Variants in MOBP observed in about 807,000 individuals in gnomAD.
MOBP encodes the protein myelin-associated oligodendrocyte basic protein.
A neutral mutation model predicts 15.0 loss-of-function variants in MOBP; 5 were observed. That is an observed-to-expected ratio of 0.33 (90% CI 0.17 to 0.70). The LOEUF (loss-of-function observed/expected upper bound fraction) is 0.70. MOBP is among the 30% of genes least tolerant of loss of function. MOBP has a pLI of 0.67. For missense variants in MOBP, 188 were observed against 257.8 expected (o/e 0.73, Z 1.85); for synonymous variants, 88 against 99.0 (o/e 0.89, Z 0.66).
At chr3:39,510,808 CTAT>C (rs2043110271) in intron 4 of MOBP, among the ~76,000 whole-genome samples, 1 of 152,228 alleles carries the variant, frequency 6.6e-6, no homozygotes, top group African/African-American at 2.4e-5. Flanking sequence ...TTTCGAACTG[CTAT>C]TTTGTTCAAA....
chr3:39,479,120 G>A (rs1259209756), intron 1 of MOBP, among the ~76,000 whole-genome samples: 1 of 152,030 alleles, frequency 6.6e-6, no homozygotes, highest in African/African-American at 2.4e-5. Context: ...GAGCCACCGC[G>A]CACGGCCCTG....
downstream of MOBP, among the ~76,000 whole-genome samples, chr3:39,504,569 G>A (rs1336354238): frequency 1.3e-5 from 2 of 152,252 alleles, no homozygotes. Context: ...CTCAGCCATT[G>A]TCCCTTACCT....
chr3:39,513,082 T>C (rs951788111), intron 4 of MOBP, among the ~76,000 whole-genome samples: 7 of 152,230 alleles, frequency 4.6e-5, no homozygotes, highest in Non-Finnish European at 1.0e-4. Context: ...GTACTTTAAT[T>C]TCCTTTGTGT....
downstream of MOBP, among the ~76,000 whole-genome samples, chr3:39,506,781 G>A (rs1301165086): frequency 6.6e-6 from 1 of 152,222 alleles, no homozygotes; most frequent in African/African-American, 2.4e-5. Flanking sequence ...CACAAGAGTG[G>A]TAAGGGCAAG....
exon 5 of MOBP, chr3:39,515,823 T>A (rs1022934060): frequency 1.3e-5 from 2 of 152,226 alleles, no homozygotes; most frequent in Non-Finnish European, 2.9e-5. Flanking sequence ...AGTTTGGTTG[T>A]CTTCATAGCA....
At chr3:39,499,544 G>A (rs1473863) in intron 2 of MOBP, 50,357 of 152,782 alleles carry the variant, frequency 0.33, 10,961 homozygotes, top group African/African-American at 0.62. Context: ...TATCTCATCC[G>A]TGCCCGACGT....
intron 2 of MOBP, among the ~76,000 whole-genome samples, chr3:39,486,298 T>G (rs1183335317): frequency 6.6e-6 from 1 of 152,222 alleles, no homozygotes; most frequent in African/African-American, 2.4e-5. Context: ...TGAAATAAGT[T>G]AAATACGTGA....
intron 1 of MOBP, among the ~76,000 whole-genome samples, chr3:39,470,872 T>C (rs923449660): frequency 5.3e-5 from 8 of 152,174 alleles, no homozygotes; most frequent in African/African-American, 1.9e-4. Flanking sequence ...TAGTTCCTTA[T>C]GAAAGAATAA....
chr3:39,502,360 A>G lies in MOBP; in HGVS notation c.206+85A>G, dbSNP rs888373529. ...GCACGCCCCTCCCGCTCCGCACCCC[A>G]CTCTTCCCCCTAGTCGGCTCCGGGT... On this transcript the variant is annotated intron_variant, in intron 3 of 3. Transcript: ENST00000684792. This position sits in a 1 kb window ranked among gnomAD's most constrained non-coding sequence, Gnocchi z 6.3. 6.3e-7 allele frequency: 1 copy of G among 1,582,498 alleles called. No individual in the cohort carries two copies. Among genetic ancestry groups the G allele is most frequent in the African/African-American group, 1.3e-5 (1 of 74,278 alleles).
At chr3:39,503,478 C>T (rs2043006275), downstream of MOBP, among the ~76,000 whole-genome samples, 1 of 151,100 alleles carries the variant, frequency 6.6e-6, no homozygotes, top group East Asian at 2.0e-4. Flanking sequence ...GGGATCAGTG[C>T]CCTAATGTTT....
chr3:39,492,913 G>A (rs533091494), intron 2 of MOBP, among the ~76,000 whole-genome samples: 3 of 152,170 alleles, frequency 2.0e-5, no homozygotes, highest in Non-Finnish European at 4.4e-5. Flanking sequence ...GACCTATTCT[G>A]CTTTCAAAAT....
intron 2 of MOBP, among the ~76,000 whole-genome samples, chr3:39,497,672 A>C (rs9881803): frequency 0.044 from 6,702 of 152,338 alleles, 426 homozygotes; most frequent in South Asian, 0.16. Context: ...TAAAGTATGC[A>C]AAACAACTAT....
At chr3:39,476,304 G>A (rs2042544647) in intron 1 of MOBP, among the ~76,000 whole-genome samples, 1 of 150,624 alleles carries the variant, frequency 6.6e-6, no homozygotes, top group Non-Finnish European at 1.5e-5. Flanking sequence ...ATGAGATTTG[G>A]TGGGGATACA....
At chr3:39,469,026 A>G (rs13067055) in intron 1 of MOBP, among the ~76,000 whole-genome samples, 17,223 of 39,274 alleles carry the variant, frequency 0.44, 4,968 homozygotes, top group African/African-American at 0.57. Flanking sequence ...ATATGTGTGT[A>G]TATATATACA....
At chr3:39,524,952 AAATGT>A (rs1268287932), downstream of MOBP, 1 of 152,216 alleles carries the variant, frequency 6.6e-6, no homozygotes, top group Non-Finnish European at 1.5e-5. Context: ...AGTAGATGGC[AAATGT>A]AATATAATAT....
At chr3:39,496,393 G>T (rs760576160) in intron 2 of MOBP, among the ~76,000 whole-genome samples, 31 of 151,596 alleles carry the variant, frequency 2.0e-4, no homozygotes, top group Admixed American at 2.0e-3. Context: ...TAGAGACGGG[G>T]TTTCACCGTG....
downstream of MOBP, among the ~76,000 whole-genome samples, chr3:39,520,467 A>G (rs1424921912): frequency 6.6e-6 from 1 of 151,914 alleles, no homozygotes; most frequent in East Asian, 1.9e-4. Flanking sequence ...TGGGGTCCTA[A>G]TAAGAGAATT....
chr3:39,473,821 A>T (rs182459937), intron 1 of MOBP, among the ~76,000 whole-genome samples: 1 of 152,350 alleles, frequency 6.6e-6, no homozygotes, highest in African/African-American at 2.4e-5. Context: ...CACCATAAAA[A>T]CAAAGGAAAA....
At chr3:39,490,623 C>T (rs1008461971) in intron 2 of MOBP, among the ~76,000 whole-genome samples, 5 of 152,116 alleles carry the variant, frequency 3.3e-5, no homozygotes, top group Non-Finnish European at 5.9e-5. Context: ...AGTGCAGTGG[C>T]GTGATCTTGG....
Sources: gnomAD v4.1 joint callset for allele counts (sites outside exome capture counted in the v4.1 genomes callset) on GRCh38, gnomAD v4.1.1 for gene constraint, Gnocchi (gnomAD v3.1) non-coding constraint, MANE v1.5 for transcripts, NCBI Gene and HGNC (gene_info 2026-07-23, HGNC 2026-07-21) for gene names.